The following HELZ variants were observed in gnomAD, a reference collection of about 807,000 sequenced individuals.
HELZ encodes helicase with zinc finger, also known as ATP-dependent RNA helicase with zinc finger domain.
HELZ carries 23 observed loss-of-function variants against 218.2 expected under a neutral mutation model. The observed-to-expected ratio is 0.11, with a 90% confidence interval of 0.08 to 0.15. The LOEUF is 0.15. Among genes scored for constraint, HELZ ranks in the 10% least tolerant of loss-of-function variants. The pLI is 1.00. For missense variants in HELZ, 1,813 were observed against 2,353.7 expected, an observed-to-expected ratio of 0.77 and a Z score of 4.75; for synonymous variants, 814 against 829.4, an observed-to-expected ratio of 0.98 and a Z score of 0.32.
intron 20 of HELZ, among the ~76,000 whole-genome samples, chr17:67,148,013 T>G (rs1275481358): frequency 6.6e-6 from 1 of 152,220 alleles, no homozygotes; most frequent in African/African-American, 2.4e-5. Context: ...TGTAAATAAC[T>G]GTTTCCATGC....
chr17:67,080,657 C>G (rs2036160677), intron 32 of HELZ, among the ~76,000 whole-genome samples: 1 of 152,142 alleles, frequency 6.6e-6, no homozygotes. Context: ...GTTAGAGCAG[C>G]CCTTTGTAAA....
At chr17:67,234,434 A>C (rs1343821957) in intron 3 of HELZ, among the ~76,000 whole-genome samples, 1 of 151,454 alleles carries the variant, frequency 6.6e-6, no homozygotes, top group Non-Finnish European at 1.5e-5. Flanking sequence ...TTCCATGGCC[A>C]CCAACTCAAT....
intron 17 of HELZ, among the ~76,000 whole-genome samples, chr17:67,153,166 C>T (rs1406316480): frequency 2.0e-5 from 3 of 151,866 alleles, no homozygotes; most frequent in Non-Finnish European, 2.9e-5. Flanking sequence ...TGATGCAGGT[C>T]GGGTGAAGGT....
chr17:67,177,162 A>G (rs2039483478), intron 13 of HELZ, among the ~76,000 whole-genome samples: 1 of 152,040 alleles, frequency 6.6e-6, no homozygotes, highest in Non-Finnish European at 1.5e-5. Flanking sequence ...TATGTTGCCC[A>G]GGCTGGTCTC....
Position 67,078,416 on chromosome 17 carries a change from C to G in HELZ, c.5665G>C (p.Gly1889Arg). The change falls in exon 33 of 33, where the codon GGG becomes CGG. Residue 1889 changes from glycine (G) to arginine (R), a missense_variant. Gly to Arg is a moderately radical substitution (Grantham distance 125). Coordinates refer to ENST00000358691, the MANE Select transcript of HELZ (RefSeq NM_014877.4). The stretch of plus-strand genomic sequence containing the variant: ...GCATAGGACATGGCGGGCTTGCCCC[C>G]CGCAGAGCTCTGGGGGCTACTGCTA... ...ANSSSPQSSA[G>R]GKPAMSYASA... 1 of 1,599,350 alleles carries G rather than the reference C, an allele frequency of 6.3e-7. No homozygotes were observed. The highest frequency in any genetic ancestry group is 8.5e-7 in the Non-Finnish European group (1 of 1,175,100).
chr17:67,245,534 C>CCGCGG (rs942737547), upstream of HELZ: 8 of 984,200 alleles, frequency 8.1e-6, no homozygotes, highest in African/African-American at 5.2e-5. Context: ...TCCTTGCCGC[C>CCGCGG]CGCGGCGCGG....
intron 3 of HELZ, among the ~76,000 whole-genome samples, chr17:67,231,817 C>A (rs2041043987): frequency 6.6e-6 from 1 of 151,662 alleles, no homozygotes; most frequent in Non-Finnish European, 1.5e-5. Context: ...CTTTGGGAGG[C>A]GGAGATGGGT....
At chr17:67,101,867 C>T (rs1396320924) in intron 31 of HELZ, among the ~76,000 whole-genome samples, 1 of 152,228 alleles carries the variant, frequency 6.6e-6, no homozygotes, top group African/African-American at 2.4e-5. Context: ...CAAGCTTACA[C>T]TGGCATTTAA....
chr17:67,235,749 CTT>C (rs1216322685), intron 3 of HELZ, among the ~76,000 whole-genome samples: 189 of 78,636 alleles, frequency 2.4e-3, no homozygotes, highest in African/African-American at 9.5e-3. Context: ...ACCACACACT[CTT>C]TTTTTTTTTT....
intron 5 of HELZ, among the ~76,000 whole-genome samples, chr17:67,215,476 G>A (rs1167977170): frequency 1.3e-5 from 2 of 152,024 alleles, no homozygotes; most frequent in Non-Finnish European, 2.9e-5. Context: ...AGCCTCCCAG[G>A]TAGCTGGGAC....
At chr17:67,232,973 C>T (rs1370441234) in intron 3 of HELZ, among the ~76,000 whole-genome samples, 2 of 152,012 alleles carry the variant, frequency 1.3e-5, no homozygotes, top group Non-Finnish European at 2.9e-5. Context: ...GTCTCTACTA[C>T]AAATACAAAA....
At chr17:67,233,056 C>T (rs141446458) in intron 3 of HELZ, among the ~76,000 whole-genome samples, 2 of 152,328 alleles carry the variant, frequency 1.3e-5, no homozygotes, top group South Asian at 2.1e-4. Flanking sequence ...ATTGCTCGAA[C>T]CTGGGAGGCA....
chr17:67,220,283 T>C (rs1250830140), intron 3 of HELZ, among the ~76,000 whole-genome samples: 1 of 152,182 alleles, frequency 6.6e-6, no homozygotes, highest in Non-Finnish European at 1.5e-5. Flanking sequence ...GGAGGCAAGA[T>C]GACAGACATC....
intron 31 of HELZ, among the ~76,000 whole-genome samples, chr17:67,089,852 T>C (rs1424488491): frequency 1.3e-5 from 2 of 151,484 alleles, no homozygotes; most frequent in Non-Finnish European, 2.9e-5. Context: ...CTGACAACCA[T>C]GTCATCTGTG....
intron 4 of HELZ, among the ~76,000 whole-genome samples, chr17:67,218,241 T>A (rs2040656868): frequency 6.6e-6 from 1 of 152,192 alleles, no homozygotes; most frequent in Non-Finnish European, 1.5e-5. Context: ...CGGTGTTTAT[T>A]TTTTATAATG....
intron 23 of HELZ, among the ~76,000 whole-genome samples, chr17:67,131,260 G>A (rs937484571): frequency 2.0e-5 from 3 of 152,088 alleles, no homozygotes; most frequent in Admixed American, 6.6e-5. Context: ...AATGCTAGAA[G>A]TTGCTCTATT....
chr17:67,233,236 C>T (rs1473504300), intron 3 of HELZ, among the ~76,000 whole-genome samples: 1 of 152,188 alleles, frequency 6.6e-6, no homozygotes, highest in Non-Finnish European at 1.5e-5. Context: ...CCCTGTGATC[C>T]CAGCTACTTG....
Position 67,171,270 on chromosome 17 carries a change from A to G in HELZ, c.1431-3474T>C, listed in dbSNP as rs528668494. 2.6e-5 allele frequency among the ~76,000 whole-genome samples: 4 copies of G among 152,270 alleles called. No individual in the cohort carries two copies. The South Asian group carries it at 6.2e-4, about 24-fold the overall frequency. ...CTCCCAGCTCAGGGCTGTAAATCCA[A>G]CTGTCAAATGGACACTTTTGATTAC... On this transcript the variant is annotated intron_variant, in intron 13 of 32. Transcript: ENST00000358691.
intron 3 of HELZ, among the ~76,000 whole-genome samples, chr17:67,228,421 G>A (rs1051940227): frequency 6.6e-6 from 1 of 152,092 alleles, no homozygotes; most frequent in Admixed American, 6.6e-5. Context: ...AATACACTTT[G>A]GGAGGCCCAG....
Sources: allele counts gnomAD v4.1 joint callset (sites outside exome capture counted in the v4.1 genomes callset), GRCh38; gene constraint gnomAD v4.1.1; transcripts MANE v1.5; gene names NCBI Gene and HGNC (gene_info 2026-07-23, HGNC 2026-07-21).